Variants in HNF1B observed in about 807,000 individuals in gnomAD.
HNF1B encodes the protein hepatocyte nuclear factor 1-beta.
HNF1B carries 8 observed loss-of-function variants against 61.7 expected under a neutral mutation model. The ratio of observed to expected loss-of-function variants is 0.13; its 90% CI spans 0.08 to 0.23. HNF1B has a LOEUF of 0.23. HNF1B is among the 10% of genes least tolerant of loss of function. HNF1B has a pLI of 1.00. For missense variants in HNF1B, 562 were observed against 714.5 expected, an observed-to-expected ratio of 0.79 and a Z score of 2.43; for synonymous variants, 314 against 287.7, an observed-to-expected ratio of 1.09 and a Z score of -0.93.
At chr17:37,692,159 A>G (rs2032226077) in intron 8 of HNF1B, among the ~76,000 whole-genome samples, 1 of 152,136 alleles carries the variant, frequency 6.6e-6, no homozygotes, top group Non-Finnish European at 1.5e-5. Flanking sequence ...AGATGGCAGT[A>G]GATGCAGAAG....
chr17:37,699,799 T>G (rs1048087436), intron 7 of HNF1B, among the ~76,000 whole-genome samples: 1 of 152,152 alleles, frequency 6.6e-6, no homozygotes, highest in African/African-American at 2.4e-5. Flanking sequence ...TGTGAGATGG[T>G]GCTCAGAAAC....
chr17:37,717,970 C>T (rs1439485364), intron 4 of HNF1B, among the ~76,000 whole-genome samples: 1 of 152,084 alleles, frequency 6.6e-6, no homozygotes, highest in African/African-American at 2.4e-5. Context: ...GTTTCAATTC[C>T]GGATCCCTTT....
chr17:37,705,940 A>G (rs1365890188), intron 5 of HNF1B, among the ~76,000 whole-genome samples: 1 of 152,190 alleles, frequency 6.6e-6, no homozygotes, highest in African/African-American at 2.4e-5. Flanking sequence ...ACATTAGTTT[A>G]CTACTTATAG....
intron 8 of HNF1B, among the ~76,000 whole-genome samples, chr17:37,688,245 G>T (rs778627703): frequency 2.6e-5 from 4 of 152,094 alleles, no homozygotes; most frequent in Non-Finnish European, 5.9e-5. Flanking sequence ...GAACTGTCAT[G>T]GAGTGTCACT....
intron 8 of HNF1B, among the ~76,000 whole-genome samples, chr17:37,693,987 T>A (rs4795211): frequency 0.14 from 21,661 of 152,288 alleles, 1,617 homozygotes; most frequent in Middle Eastern, 0.21. Flanking sequence ...CCTCACCAGA[T>A]GCAGATGCTG....
At chr17:37,704,099 A>G (rs1459156439) in intron 6 of HNF1B, among the ~76,000 whole-genome samples, 1 of 152,202 alleles carries the variant, frequency 6.6e-6, no homozygotes, top group African/African-American at 2.4e-5. Flanking sequence ...AAACAACGAC[A>G]CCTGAGCTGT....
chr17:37,714,606 T>C (rs901792335), intron 4 of HNF1B, among the ~76,000 whole-genome samples: 5 of 152,120 alleles, frequency 3.3e-5, no homozygotes, highest in East Asian at 3.8e-4. Flanking sequence ...CAAGGTGGAG[T>C]TGAGACATCC....
chr17:37,726,628 G>A (rs1037956248), intron 4 of HNF1B, among the ~76,000 whole-genome samples: 1 of 152,194 alleles, frequency 6.6e-6, no homozygotes, highest in Non-Finnish European at 1.5e-5. Flanking sequence ...AACCTGGGAG[G>A]GGCTGTGAAG....
intron 8 of HNF1B, among the ~76,000 whole-genome samples, chr17:37,697,959 G>A (rs541085262): frequency 6.6e-6 from 1 of 152,238 alleles, no homozygotes; most frequent in South Asian, 2.1e-4. Context: ...GAAGGCTCAG[G>A]GAGGTCAAGG....
intron 5 of HNF1B, among the ~76,000 whole-genome samples, chr17:37,709,779 C>A (rs76208965): frequency 8.9e-4 from 135 of 152,268 alleles, no homozygotes; most frequent in African/African-American, 3.0e-3. Context: ...CACGCTCATG[C>A]CCCCACCAAG....
chr17:37,739,652 G>A lies in HNF1B; in HGVS notation c.345-13C>T, dbSNP rs1229253659. On this transcript the variant is annotated splice_polypyrimidine_tract_variant and intron_variant, in intron 1 of 8. Transcript: ENST00000617811. ...CCAAGGGTCCTCACTAGACAGACAA[G>A]CAGATGGTTAGGGTACTAGTGGGAG... is the stretch of plus-strand genomic sequence containing the variant. 1 of 1,600,852 alleles carries A rather than the reference G, an allele frequency of 6.2e-7. No homozygotes were observed. Among genetic ancestry groups the A allele is most frequent in the Non-Finnish European group, 8.5e-7 (1 of 1,171,976 alleles).
At chr17:37,711,504 T>C (rs1275224964) in intron 4 of HNF1B, among the ~76,000 whole-genome samples, 2 of 152,094 alleles carry the variant, frequency 1.3e-5, no homozygotes, top group Non-Finnish European at 2.9e-5. Context: ...GGAACCAAAA[T>C]GGAGGTCTGC....
At chr17:37,738,983 T>G (rs561139824) in intron 2 of HNF1B, among the ~76,000 whole-genome samples, 1 of 152,256 alleles carries the variant, frequency 6.6e-6, no homozygotes, top group Non-Finnish European at 1.5e-5. Flanking sequence ...TACAAATGCA[T>G]TCTATTGTTG....
chr17:37,726,070 T>G (rs2033485020), intron 4 of HNF1B, among the ~76,000 whole-genome samples: 1 of 152,002 alleles, frequency 6.6e-6, no homozygotes, highest in Admixed American at 6.6e-5. Context: ...TTGGCCATGA[T>G]CTCCCAAAGC....
intron 4 of HNF1B, among the ~76,000 whole-genome samples, chr17:37,714,310 A>G (rs760632173): frequency 6.6e-6 from 1 of 152,236 alleles, no homozygotes; most frequent in African/African-American, 2.4e-5. Context: ...AGCACCTACC[A>G]TGTGCCAGGC....
chr17:37,721,697 C>G (rs986068858), intron 4 of HNF1B, among the ~76,000 whole-genome samples: 9 of 150,164 alleles, frequency 6.0e-5, no homozygotes, highest in African/African-American at 1.7e-4. Flanking sequence ...TCAACCCTGA[C>G]TATGCATCCA....
At chr17:37,743,515 C>T (rs1042823751) in intron 1 of HNF1B, among the ~76,000 whole-genome samples, 1 of 152,266 alleles carries the variant, frequency 6.6e-6, no homozygotes, top group African/African-American at 2.4e-5. Flanking sequence ...AATGCAAGGT[C>T]ATATCCCACC....
In HNF1B at chr17:37,744,880, A is replaced by C; in HGVS notation, c.5T>G (p.Val2Gly). The change falls in exon 1 of 9, where the codon GTG becomes GGG. Residue 2 changes from valine to glycine, a missense_variant. Coordinates refer to ENST00000617811, the MANE Select transcript of HNF1B (RefSeq NM_000458.4). The part of the protein sequence containing the change: M[V>G]SKLTSLQQEL... Reference sequence around the variant, plus strand: ...TTGCTGGAGCGACGTGAGCTTGGACACCATTTTCCAAGGACGGAAAAAGAA... The same window carrying C: ...TTGCTGGAGCGACGTGAGCTTGGACCCCATTTTCCAAGGACGGAAAAAGAA... 7.0e-7 allele frequency: 1 copy of C among 1,428,202 alleles called. No homozygotes were observed. The highest frequency in any genetic ancestry group is 1.1e-5 in the South Asian group (1 of 88,490). 88.5% of individuals were successfully genotyped at this position (1,428,202 alleles called of 1,614,324 possible). A position where few individuals can be genotyped will look rare whatever the true frequency, so the allele number is the denominator to read the frequency against.
In HNF1B at chr17:37,687,024, T is replaced by C. The variant is rs2031992341; in HGVS notation, c.*348A>G. The C allele has an allele frequency of 3.4e-5, 18 of 531,758 alleles. No individual in the cohort carries two copies. In the South Asian group the frequency reaches 3.7e-4, roughly 11 times the overall value. 32.9% of individuals were successfully genotyped at this position (531,758 alleles called of 1,614,324 possible). A position where few individuals can be genotyped will look rare whatever the true frequency, so the allele number is the denominator to read the frequency against. On this transcript the variant is annotated 3_prime_UTR_variant, in exon 9 of 9. Coordinates refer to ENST00000617811, the MANE Select transcript of HNF1B (RefSeq NM_000458.4). ...CTTCTCTCCTCATTTCAGTAACAGA[T>C]TCAAGTTTTCGCATCAGTTTGTTCG... is the stretch of plus-strand genomic sequence containing the variant.
Sources: allele counts gnomAD v4.1 joint callset (sites outside exome capture counted in the v4.1 genomes callset), GRCh38; gene constraint gnomAD v4.1.1; transcripts MANE v1.5; gene names NCBI Gene and HGNC (gene_info 2026-07-23, HGNC 2026-07-21).